Variants in SETD7 observed in about 807,000 individuals in gnomAD.
SETD7 encodes histone-lysine N-methyltransferase SETD7.
Under a neutral mutation model 41.8 loss-of-function variants are expected in SETD7, and 16 were observed. The ratio of observed to expected loss-of-function variants is 0.38; its 90% CI spans 0.26 to 0.58. SETD7 has a LOEUF of 0.58. Ranked by LOEUF, SETD7 falls within the 20% of genes least tolerant of loss-of-function variation. The pLI is 0.64. For synonymous variants in SETD7, 163 were observed against 169.7 expected, an observed-to-expected ratio of 0.96 and a Z score of 0.31; for missense variants, 346 against 459.7, an observed-to-expected ratio of 0.75 and a Z score of 2.26.
chr4:139,505,418 G>A (rs1471285304), downstream of SETD7, among the ~76,000 whole-genome samples: 2 of 152,004 alleles, frequency 1.3e-5, no homozygotes, highest in South Asian at 2.1e-4. Flanking sequence ...GTGAAACCCC[G>A]TCTTTACTAA....
chr4:139,512,752 CTTTTTTTTTT>C (rs140570195), intron 7 of SETD7, among the ~76,000 whole-genome samples: 1 of 75,534 alleles, frequency 1.3e-5, no homozygotes, highest in African/African-American at 4.9e-5. Context: ...TTTTCTTATT[CTTTTTTTTTT>C]TTTTTTTTTT....
At chr4:139,524,586 G>A (rs1727270971) in intron 4 of SETD7, among the ~76,000 whole-genome samples, 1 of 152,194 alleles carries the variant, frequency 6.6e-6, no homozygotes, top group African/African-American at 2.4e-5. Flanking sequence ...GACACAGAGA[G>A]GGCTTCTTCC....
chr4:139,538,106 T>C (rs150726272), intron 2 of SETD7, among the ~76,000 whole-genome samples: 162 of 152,308 alleles, frequency 1.1e-3, no homozygotes, highest in African/African-American at 3.7e-3. Context: ...TAAAGAAATT[T>C]ATAAAACTGC....
At chr4:139,546,601 G>A (rs928246790) in intron 2 of SETD7, 3 of 371,236 alleles carry the variant, frequency 8.1e-6, no homozygotes, top group Admixed American at 4.0e-5. Flanking sequence ...ATGCGCTACC[G>A]GAATGATCAA....
chr4:139,514,686 C>G (rs2111126024), intron 7 of SETD7, among the ~76,000 whole-genome samples: 1 of 152,290 alleles, frequency 6.6e-6, no homozygotes, highest in South Asian at 2.1e-4. Context: ...ACAGCACCAG[C>G]CCGTAGTGAG....
chr4:139,514,082 A>G (rs1726953308), intron 7 of SETD7, among the ~76,000 whole-genome samples: 1 of 152,208 alleles, frequency 6.6e-6, no homozygotes, highest in South Asian at 2.1e-4. Flanking sequence ...CGGGAGTTCA[A>G]GACTAGCCTG....
intron 7 of SETD7, chr4:139,496,621 GA>G: frequency 1.6e-6 from 1 of 617,312 alleles, no homozygotes; most frequent in South Asian, 1.9e-5. Flanking sequence ...GAGACTTTTA[GA>G]AACCCAGCTG....
At chr4:139,535,715 T>C (rs1263380874) in intron 2 of SETD7, among the ~76,000 whole-genome samples, 2 of 152,100 alleles carry the variant, frequency 1.3e-5, no homozygotes, top group East Asian at 3.9e-4. Flanking sequence ...AAATGCAAAC[T>C]CTTAAGGCAT....
intron 3 of SETD7, among the ~76,000 whole-genome samples, chr4:139,532,383 G>C (rs1727508209): frequency 6.6e-6 from 1 of 151,932 alleles, no homozygotes; most frequent in African/African-American, 2.4e-5. Flanking sequence ...AGGTTGTAGT[G>C]AGCCAAGATC....
chr4:139,510,587 T>C lies in SETD7; in HGVS notation c.*1076A>G, dbSNP rs1004891212. 1 of 152,234 alleles carries C rather than the reference T, an allele frequency of 6.6e-6. No individual in the cohort carries two copies. The highest frequency in any genetic ancestry group is 1.5e-5 in the Non-Finnish European group (1 of 68,034). 9.4% of individuals were successfully genotyped at this position (152,234 alleles called of 1,614,324 possible). On this transcript the variant is annotated 3_prime_UTR_variant, in exon 8 of 8. Transcript: ENST00000274031. Reference sequence around the variant, plus strand: ...AGAGTTTTAGCATCAAGGTTTGATTTGTACCTAGTAATCAGTGTGTCTGCC... The same window carrying C: ...AGAGTTTTAGCATCAAGGTTTGATTCGTACCTAGTAATCAGTGTGTCTGCC...
downstream of SETD7, among the ~76,000 whole-genome samples, chr4:139,505,314 C>G (rs979400464): frequency 6.6e-6 from 1 of 152,108 alleles, no homozygotes; most frequent in African/African-American, 2.4e-5. Context: ...ACTGGCTGGG[C>G]ACGGTGACTC....
intron 2 of SETD7, 141 bp from the exon 3 acceptor site, chr4:139,533,507 A>T: frequency 2.9e-6 from 2 of 690,034 alleles, no homozygotes; most frequent in Non-Finnish European, 4.9e-6. Context: ...ATTATCATCG[A>T]CTGCTAGGAA....
In SETD7 at chr4:139,523,549, G is replaced by A. The variant is rs1052359099; in HGVS notation, c.563-114C>T. 2.3e-5 allele frequency: 15 copies of A among 639,342 alleles called. 1 individual carries two copies. Among genetic ancestry groups the A allele is most frequent in the African/African-American group, 1.6e-4 (9 of 55,100 alleles). The allele number at this position is 639,342 out of a possible 1,614,324, so 39.6% of individuals were successfully genotyped here. Reference sequence around the variant, plus strand: ...TTAAAAAACCAAAAATCTTAATCAAGTTATACCAACTAGAATGAAGTTCTT... The same window carrying A: ...TTAAAAAACCAAAAATCTTAATCAAATTATACCAACTAGAATGAAGTTCTT... On this transcript the variant is annotated intron_variant, in intron 4 of 7. Transcript: ENST00000274031.
chr4:139,550,056 A>AT lies in SETD7; in HGVS notation c.41-3008dup, dbSNP rs1043804811. 2.2e-4 allele frequency among the ~76,000 whole-genome samples: 34 copies of AT among 151,706 alleles called. No homozygotes were observed. In the East Asian group the frequency reaches 2.5e-3, roughly 11 times the overall value. On this transcript the variant is annotated intron_variant, in intron 1 of 7. Coordinates refer to ENST00000274031, the MANE Select transcript of SETD7 (RefSeq NM_030648.4). ...CAGCCTCCAAAACGGCTAATTAAAA[A>AT]TTTTTTTTTATAGAGATAGGGTCTC...
At chr4:139,496,227 T>C in exon 8 of SETD7, 1 of 532,848 alleles carries the variant, frequency 1.9e-6, no homozygotes. Flanking sequence ...CACAACTTAT[T>C]AGGTATCTCT....
intron 2 of SETD7, among the ~76,000 whole-genome samples, chr4:139,544,019 A>G (rs935633642): frequency 1.3e-5 from 2 of 151,842 alleles, no homozygotes; most frequent in Non-Finnish European, 2.9e-5. Flanking sequence ...GCTGGGCACA[A>G]TGGCTCACGC....
downstream of SETD7, among the ~76,000 whole-genome samples, chr4:139,503,754 C>A (rs1036231295): frequency 6.6e-6 from 1 of 152,190 alleles, no homozygotes; most frequent in Admixed American, 6.6e-5. Context: ...GAGGCAGACA[C>A]TGTGAGTGGT....
Position 139,531,411 on chromosome 4 carries a change from G to T in SETD7, c.372+1754C>A, listed in dbSNP as rs144629748. Among the ~76,000 whole-genome samples the T allele has an allele frequency of 5.2e-3, 790 of 152,126 alleles. 3 individuals carry two copies. The highest frequency in any genetic ancestry group is 7.2e-3 in the Non-Finnish European group (489 of 67,986). ...CTATGTAGAGAGTTCCACTTCCCCT[G>T]ACTTCAAGATGCACTGTCACATCAG... On this transcript the variant is annotated intron_variant, in intron 3 of 7. Transcript: ENST00000274031.
chr4:139,538,385 A>C (rs912993788), intron 2 of SETD7, among the ~76,000 whole-genome samples: 4 of 152,164 alleles, frequency 2.6e-5, no homozygotes. Flanking sequence ...GCTGGAATAC[A>C]GTGGTGCAAT....
Sources: allele counts gnomAD v4.1 joint callset (sites outside exome capture counted in the v4.1 genomes callset), GRCh38; gene constraint gnomAD v4.1.1; transcripts MANE v1.5; gene names NCBI Gene and HGNC (gene_info 2026-07-23, HGNC 2026-07-21).